Variants in BICRA observed in about 807,000 individuals in gnomAD.
The protein encoded by BICRA is BRD4-interacting chromatin-remodeling complex-associated protein.
BICRA carries 31 observed loss-of-function variants against 96.9 expected under a neutral mutation model. The observed-to-expected ratio is 0.32, with a 90% CI of 0.24 to 0.43. The LOEUF (loss-of-function observed/expected upper bound fraction) is 0.43, where lower values mean the gene tolerates loss of function less well. Ranked by LOEUF, BICRA falls within the 20% of genes least tolerant of loss-of-function variation. The probability of loss-of-function intolerance (pLI) is 1.00; values close to 1 mark genes in which losing one functional copy is unlikely to be tolerated. For synonymous variants in BICRA, 1,350 were observed against 1,071.8 expected (o/e 1.26, Z -5.07); for missense variants, 2,283 against 2,190.3 (o/e 1.04, Z -0.84).
chr19:47,638,596 T>TTC (rs571988559), intron 1 of BICRA, among the ~76,000 whole-genome samples: 1,624 of 134,244 alleles, frequency 0.012, 20 homozygotes, highest in African/African-American at 0.046. Flanking sequence ...CTCTCTCTGT[T>TTC]TCTCTCTCTC....
rs760766468 is a variant in BICRA at position 47,694,569 on chromosome 19, G to A, written c.2738G>A (p.Ser913Asn). Reference protein sequence around the residue: ...PSDFQLQFPPSQGPHKSPTPP... With the variant: ...PSDFQLQFPPNQGPHKSPTPP... Reference sequence around the variant, plus strand: ...GACTTCCAGCTCCAGTTCCCACCCAGCCAGGGGCCCCACAAGTCCCCCACT... The same window carrying A: ...GACTTCCAGCTCCAGTTCCCACCCAACCAGGGGCCCCACAAGTCCCCCACT... The change falls in exon 8 of 15, where the codon AGC (serine) becomes AAC (asparagine). Residue 913 changes from serine (S) to asparagine (N), a missense_variant. Ser to Asn is a conservative substitution (Grantham distance 46). Transcript: ENST00000594866. The A allele has an allele frequency of 6.2e-7, 1 of 1,605,018 alleles. No individual in the cohort carries two copies. Among genetic ancestry groups the A allele is most frequent in the Non-Finnish European group, 8.5e-7 (1 of 1,176,300 alleles).
intron 1 of BICRA, among the ~76,000 whole-genome samples, chr19:47,669,105 C>CA (rs1568564574): frequency 6.6e-6 from 1 of 151,126 alleles, no homozygotes; most frequent in East Asian, 1.9e-4. Context: ...CTCACACACA[C>CA]AAAAAAATAA....
rs765520797 is a variant in BICRA at position 47,680,971 on chromosome 19, G to A, written c.1801G>A (p.Gly601Ser). 8.8e-6 allele frequency: 13 copies of A among 1,470,470 alleles called. 1 individual carries two copies. The South Asian group carries it at 1.2e-4, about 13-fold the overall frequency. The allele number at this position is 1,470,470 out of a possible 1,614,324, so 91.1% of individuals were successfully genotyped here. The change falls in exon 6 of 15, where the codon GGC becomes AGC. Residue 601 changes from glycine (G) to serine (S), a missense_variant. Transcript: ENST00000594866. ...CGTGGCCATGCTCAACACCCCCGAC[G>A]GCCTGGTGCAGCCGGCCACCCCTGC... ...SAVAMLNTPD[G>S]LVQPATPAAA...
intron 11 of BICRA, 150 bp downstream of exon 11, chr19:47,696,662 C>T (rs1973348276): frequency 1.5e-6 from 1 of 678,432 alleles, no homozygotes; most frequent in Non-Finnish European, 2.4e-6. Context: ...CTCATAGACC[C>T]TCAGTTTCCC....
At chr19:47,650,077 G>T (rs1972519412) in intron 1 of BICRA, among the ~76,000 whole-genome samples, 1 of 151,942 alleles carries the variant, frequency 6.6e-6, no homozygotes, top group African/African-American at 2.4e-5. Context: ...TCAGCTTCCT[G>T]AGTAGCTGGG....
chr19:47,699,057 C>G lies in BICRA; in HGVS notation c.3490C>G (p.Arg1164Gly). The G allele has an allele frequency of 2.6e-6, 4 of 1,559,224 alleles. No individual in the cohort carries two copies. Among genetic ancestry groups the G allele is most frequent in the Non-Finnish European group, 3.5e-6 (4 of 1,150,194 alleles). Residue 1164 changes from arginine (R) to glycine (G), a missense_variant and splice_region_variant, in exon 13 of 15, where the codon CGG becomes GGG. Arg to Gly is a moderately radical substitution (Grantham distance 125). Transcript: ENST00000594866. This position sits in a 1 kb window ranked among gnomAD's most constrained non-coding sequence, Gnocchi z 5.0. Reference sequence around the variant, plus strand: ...TCGGCTCCTGCTCCTGGAGGAGTCCCGGGTAGGGTCAGAGTCGCCTTCCTC... The same window carrying G: ...TCGGCTCCTGCTCCTGGAGGAGTCCGGGGTAGGGTCAGAGTCGCCTTCCTC... ...KYRLLLLEES[R>G]RVSPSAEMVM... is the part of the protein sequence containing the mutation.
rs868510387 is a variant in BICRA at position 47,694,365 on chromosome 19, C to A, written c.2534C>A (p.Pro845Gln). The A allele has an allele frequency of 7.6e-7, 1 of 1,313,000 alleles. No individual in the cohort carries two copies. The highest frequency in any genetic ancestry group is 2.5e-5 in the East Asian group (1 of 40,346). 81.3% of individuals were successfully genotyped at this position (1,313,000 alleles called of 1,614,324 possible). Residue 845 changes from proline to glutamine, a missense_variant, in exon 8 of 15, where the codon CCG becomes CAG. Physicochemically the swap from Pro to Gln is moderately conservative, Grantham distance 76 (BLOSUM62 -1). Transcript: ENST00000594866. ...ATCCAAAACCAGCTAGGCGTTCCCC[C>A]GCCTGCCAGCAACCCGGCCCCTACT... Reference protein sequence around the residue: ...FVIQNQLGVPPPASNPAPTAP... With the variant: ...FVIQNQLGVPQPASNPAPTAP...
rs183627021 is a variant in BICRA at position 47,693,072 on chromosome 19, G to A, written c.2284-1043G>A. 5.3e-5 allele frequency among the ~76,000 whole-genome samples: 8 copies of A among 152,366 alleles called. No individual in the cohort carries two copies. In the East Asian group the frequency reaches 1.5e-3, roughly 29 times the overall value. ...AGGGCTAGGGAGAGATCACACAAAT[G>A]GATGCGGGAGGCCGGCCATTCGTGT... On this transcript the variant is annotated intron_variant, in intron 7 of 14. Coordinates refer to ENST00000594866, the MANE Select transcript of BICRA (RefSeq NM_001394372.1).
At chr19:47,666,747 T>A (rs1395705366) in intron 1 of BICRA, among the ~76,000 whole-genome samples, 1 of 151,580 alleles carries the variant, frequency 6.6e-6, no homozygotes, top group Non-Finnish European at 1.5e-5. Context: ...TAATTTTAAA[T>A]TTTTTTGTAG....
At position 47,701,395 on chromosome 19, in the gene BICRA, T is replaced by A; in HGVS notation, c.3663T>A (p.Leu1221=). Residue 1221 remains leucine, a synonymous_variant, in exon 15 of 15, where the codon CTT becomes CTA. Coordinates refer to ENST00000594866, the MANE Select transcript of BICRA (RefSeq NM_001394372.1). This position sits in a 1 kb window ranked among gnomAD's most constrained non-coding sequence, Gnocchi z 5.4. ...PIAASSEGHR[L]PGHGPLSSSA... is the part of the protein sequence containing the mutation. ...CAGCCTCTTCCGAGGGTCATCGGCT[T>A]CCCGGCCACGGCCCCCTGTCGTCTT... 6.2e-7 allele frequency: 1 copy of A among 1,605,910 alleles called. No individual in the cohort carries two copies. The highest frequency in any genetic ancestry group is 1.1e-5 in the South Asian group (1 of 89,858).
chr19:47,648,545 T>C (rs7258311), intron 1 of BICRA, among the ~76,000 whole-genome samples: 41,640 of 151,134 alleles, frequency 0.28, 6,473 homozygotes, highest in Non-Finnish European at 0.35. Flanking sequence ...GGGGAGGGCT[T>C]GTGACTACAG....
intron 7 of BICRA, among the ~76,000 whole-genome samples, chr19:47,693,239 A>G (rs1973267122): frequency 6.6e-6 from 1 of 152,198 alleles, no homozygotes; most frequent in Admixed American, 6.5e-5. Flanking sequence ...GAGGGTCCAG[A>G]ACGGCAAGGT....
chr19:47,636,378 T>C (rs1176034931), intron 1 of BICRA, among the ~76,000 whole-genome samples: 2 of 152,134 alleles, frequency 1.3e-5, no homozygotes, highest in Admixed American at 1.3e-4. Context: ...AGCTAATCTT[T>C]AAAATTTTTC....
In BICRA at chr19:47,698,927, C is replaced by A. The variant is rs755167618; in HGVS notation, c.3398-38C>A. ...CTTCCTGCGCATCCGCGGCCGCCCC[C>A]AACATCTCCGCCCTTGCCTCTCTTC... On this transcript the variant is annotated intron_variant, in intron 12 of 14. Coordinates refer to ENST00000594866, the MANE Select transcript of BICRA (RefSeq NM_001394372.1). This position sits in a 1 kb window ranked among gnomAD's most constrained non-coding sequence, Gnocchi z 4.8. 175 of 1,492,374 alleles carry A rather than the reference C, an allele frequency of 1.2e-4. No individual in the cohort carries two copies. The Admixed American group carries it at 1.2e-3, about 10-fold the overall frequency. 92.4% of individuals were successfully genotyped at this position (1,492,374 alleles called of 1,614,324 possible).
chr19:47,618,984 A>G (rs1972022782), intron 1 of BICRA, among the ~76,000 whole-genome samples: 1 of 152,084 alleles, frequency 6.6e-6, no homozygotes, highest in Admixed American at 6.6e-5. Context: ...GCTGGACTAT[A>G]ACCTCCATCA....
At position 47,689,444 on chromosome 19, in the gene BICRA, T is replaced by C. The variant is rs968532376; in HGVS notation, c.2284-4671T>C. On this transcript the variant is annotated intron_variant, in intron 7 of 14. Transcript: ENST00000594866. ...TATTTTTTCTGAGACTGAGTCTCTC[T>C]CTGTCGCCCAGGCTGGAGTGCAGTG... Among the ~76,000 whole-genome samples, 27 of 152,164 alleles carry C rather than the reference T, an allele frequency of 1.8e-4. 1 individual carries two copies. Among genetic ancestry groups the C allele is most frequent in the Middle Eastern group, 3.4e-3 (1 of 294 alleles).
At chr19:47,629,435 A>G (rs1972187944) in intron 1 of BICRA, among the ~76,000 whole-genome samples, 1 of 152,116 alleles carries the variant, frequency 6.6e-6, no homozygotes, top group African/African-American at 2.4e-5. Flanking sequence ...TATTTGTCAT[A>G]CTGTCACTGG....
Position 47,702,309 on chromosome 19 carries a change from C to G in BICRA, c.4577C>G (p.Ala1526Gly). Residue 1526 changes from alanine (A) to glycine (G), a missense_variant, in exon 15 of 15, where the codon GCT (alanine) becomes GGT (glycine). Physicochemically the swap from Ala to Gly is moderately conservative, Grantham distance 60. Transcript: ENST00000594866. ...ACGCCCGCGCCCTCGTACCCCCACG[C>G]TGCCTCGGCCGGCACCCCCGCATCC... is the stretch of plus-strand genomic sequence containing the variant. ...GRTPAPSYPH[A>G]ASAGTPASPP... The G allele has an allele frequency of 6.3e-7, 1 of 1,575,470 alleles. No homozygotes were observed. The highest frequency in any genetic ancestry group is 1.8e-4 in the Middle Eastern group (1 of 5,452).
At chr19:47,679,227 C>T (rs1418709168) in intron 5 of BICRA, 94 bp from the exon 6 acceptor site, 1 of 870,342 alleles carries the variant, frequency 1.1e-6, no homozygotes, top group Non-Finnish European at 1.6e-6. Flanking sequence ...AACGTGGCTG[C>T]CCTGTCACCT....
Sources: gnomAD v4.1 joint callset for allele counts (sites outside exome capture counted in the v4.1 genomes callset) on GRCh38, gnomAD v4.1.1 for gene constraint, Gnocchi (gnomAD v3.1) non-coding constraint, MANE v1.5 for transcripts, NCBI Gene and HGNC (gene_info 2026-07-23, HGNC 2026-07-21) for gene names.